Variants in DNAH11 observed in about 807,000 individuals in gnomAD.
The protein encoded by DNAH11 is axonemal beta dynein heavy chain 11.
DNAH11 carries 442 observed loss-of-function variants against 526.0 expected under a neutral mutation model. The observed-to-expected ratio is 0.84, with a 90% CI of 0.78 to 0.91. The LOEUF (loss-of-function observed/expected upper bound fraction) is 0.91. Among genes scored for constraint, DNAH11 ranks in the 40% least tolerant of loss-of-function variants. The pLI, the probability that DNAH11 is intolerant of heterozygous loss-of-function variation, is 0.00. For missense variants in DNAH11, 6,989 were observed against 5,448.7 expected (o/e 1.28, Z -8.90); for synonymous variants, 2,461 against 1,935.9 (o/e 1.27, Z -7.12).
At chr7:21,821,342 A>G (rs1790040528) in intron 65 of DNAH11, among the ~76,000 whole-genome samples, 1 of 152,140 alleles carries the variant, frequency 6.6e-6, no homozygotes, top group Non-Finnish European at 1.5e-5. Context: ...GACCACGTAG[A>G]TTGGGGAATA....
chr7:21,853,841 C>G (rs143461964), intron 67 of DNAH11, among the ~76,000 whole-genome samples: 1 of 152,162 alleles, frequency 6.6e-6, no homozygotes, highest in African/African-American at 2.4e-5. Context: ...ATGAGAGTCT[C>G]TATATTAAGG....
intron 74 of DNAH11, among the ~76,000 whole-genome samples, chr7:21,873,875 C>A (rs898222034): frequency 2.2e-5 from 3 of 137,922 alleles, no homozygotes; most frequent in African/African-American, 8.3e-5. Flanking sequence ...ACTGCAACTT[C>A]CACCTCCCGG....
At chr7:21,683,979 A>G (rs542412747) in intron 32 of DNAH11, 35 bp downstream of exon 32, 61 of 1,608,282 alleles carry the variant, frequency 3.8e-5, no homozygotes, top group Non-Finnish European at 4.9e-5. Context: ...GATAGGAAAA[A>G]CAACCCAAAA....
At chr7:21,601,664 C>G (rs199873687) in intron 18 of DNAH11, 46 bp downstream of exon 18, 1 of 1,394,300 alleles carries the variant, frequency 7.2e-7, no homozygotes, top group South Asian at 1.5e-5. Context: ...AATTGAGCAT[C>G]TCTTTTATTA....
intron 77 of DNAH11, among the ~76,000 whole-genome samples, chr7:21,892,874 A>T (rs1784376008): frequency 6.6e-6 from 1 of 152,162 alleles, no homozygotes; most frequent in African/African-American, 2.4e-5. Context: ...CCCCAGAGAT[A>T]ATCAGTATCT....
chr7:21,699,468 A>C lies in DNAH11; in HGVS notation c.6180+1255A>C, dbSNP rs535499574. Among the ~76,000 whole-genome samples, 3 of 152,308 alleles carry C rather than the reference A, an allele frequency of 2.0e-5. No homozygotes were observed. In the South Asian group the frequency reaches 6.2e-4, roughly 32 times the overall value. Reference sequence around the variant, plus strand: ...TACTGGTGACATTATTCTGTAGTCAAAATGAAAGCATCAGAATACCACAGT... The same window carrying C: ...TACTGGTGACATTATTCTGTAGTCACAATGAAAGCATCAGAATACCACAGT... On this transcript the variant is annotated intron_variant, in intron 36 of 81. Transcript: ENST00000409508.
intron 14 of DNAH11, among the ~76,000 whole-genome samples, chr7:21,597,153 A>G (rs1583513683): frequency 6.6e-6 from 1 of 152,324 alleles, no homozygotes; most frequent in South Asian, 2.1e-4. Context: ...TCATTCAGTT[A>G]TCTAAAGCTC....
chr7:21,864,954 C>A (rs1027280160), intron 70 of DNAH11, among the ~76,000 whole-genome samples: 3 of 152,108 alleles, frequency 2.0e-5, no homozygotes, highest in South Asian at 2.1e-4. Context: ...TTAAAAAGTT[C>A]CTTAAATCTA....
chr7:21,875,178 A>G (rs536255797), intron 74 of DNAH11, among the ~76,000 whole-genome samples: 4 of 152,348 alleles, frequency 2.6e-5, no homozygotes, highest in East Asian at 1.9e-4. Flanking sequence ...AGTATCTGCA[A>G]TATGCCTTAT....
In DNAH11 at chr7:21,765,567, T is replaced by C. The variant is rs1408273250; in HGVS notation, c.9080T>C (p.Ile3027Thr). 2.5e-6 allele frequency: 4 copies of C among 1,580,092 alleles called. No homozygotes were observed. The Admixed American group carries it at 5.1e-5, about 20-fold the overall frequency. ...EALVSVSRRF[I>T]EETKGIEPVH... ...CTGGTCTCCGTCAGCAGGAGGTTCA[T>C]TGAGGAAACCAAGGGAATTGAGGTA... The change falls in exon 55 of 82, where the codon ATT becomes ACT. Residue 3027 changes from isoleucine to threonine, a missense_variant. Ile to Thr is a moderately conservative substitution (Grantham distance 89). Coordinates refer to ENST00000409508, the MANE Select transcript of DNAH11 (RefSeq NM_001277115.2).
In DNAH11 at chr7:21,892,672, A is replaced by AGGG. The variant is rs775564349; in HGVS notation, c.12750+6_12750+8dup. On this transcript the variant is annotated splice_donor_region_variant and intron_variant, in intron 77 of 81. Transcript: ENST00000409508. ...GGGCAGTCTACAGAAGAAAAGGTAGAGGGTCTTTCCTTCCTTTTCTTTTTC... is the reference window on the plus strand; with the variant it reads ...GGGCAGTCTACAGAAGAAAAGGTAGAGGGGGGTCTTTCCTTCCTTTTCTTTTTC... The AGGG allele has an allele frequency of 6.3e-7, 1 of 1,582,824 alleles. No homozygotes were observed. Among genetic ancestry groups the AGGG allele is most frequent in the Admixed American group, 1.8e-5 (1 of 54,168 alleles).
chr7:21,647,498 C>T (rs1005651073), intron 28 of DNAH11, among the ~76,000 whole-genome samples: 2 of 144,954 alleles, frequency 1.4e-5, no homozygotes, highest in South Asian at 2.2e-4. Flanking sequence ...GGCCTGATCT[C>T]GGCTCACTGC....
At chr7:21,662,071 C>T (rs1292284607) in intron 30 of DNAH11, among the ~76,000 whole-genome samples, 2 of 152,052 alleles carry the variant, frequency 1.3e-5, no homozygotes, top group African/African-American at 2.4e-5. Flanking sequence ...CCACCTGCCT[C>T]GACCTCCCAA....
intron 8 of DNAH11, among the ~76,000 whole-genome samples, chr7:21,576,135 CG>C (rs1315503378): frequency 1.4e-4 from 22 of 152,008 alleles, no homozygotes; most frequent in African/African-American, 5.1e-4. Context: ...TACCTGCCAG[CG>C]ATGGAGATTG....
chr7:21,663,276 C>A (rs1201912033), intron 30 of DNAH11, among the ~76,000 whole-genome samples: 2 of 152,026 alleles, frequency 1.3e-5, no homozygotes, highest in Admixed American at 6.6e-5. Context: ...AATAGTGTTG[C>A]AATAAACATA....
chr7:21,570,588 T>C (rs1783847732), intron 7 of DNAH11: 1 of 233,016 alleles, frequency 4.3e-6, no homozygotes, highest in South Asian at 1.5e-4. Flanking sequence ...TGAGAGAGAG[T>C]TGTAAGTCAG....
At chr7:21,780,436 A>C (rs966217801) in intron 57 of DNAH11, among the ~76,000 whole-genome samples, 3 of 152,218 alleles carry the variant, frequency 2.0e-5, no homozygotes, top group African/African-American at 7.2e-5. Flanking sequence ...ATTAGGTATC[A>C]CACATGATAC....
intron 30 of DNAH11, among the ~76,000 whole-genome samples, chr7:21,661,717 A>C (rs145788835): frequency 6.6e-6 from 1 of 152,152 alleles, no homozygotes; most frequent in Non-Finnish European, 1.5e-5. Flanking sequence ...TGGACAAGCT[A>C]TTTAGCTACT....
intron 25 of DNAH11, among the ~76,000 whole-genome samples, chr7:21,629,792 C>A (rs1302913367): frequency 2.0e-5 from 3 of 151,908 alleles, no homozygotes; most frequent in Non-Finnish European, 4.4e-5. Flanking sequence ...CACTCTTTCA[C>A]TTTCAGTCTG....
Sources: gnomAD v4.1 joint callset for allele counts (sites outside exome capture counted in the v4.1 genomes callset) on GRCh38, gnomAD v4.1.1 for gene constraint, MANE v1.5 for transcripts, NCBI Gene and HGNC (gene_info 2026-07-23, HGNC 2026-07-21) for gene names.